The following APTX variants were observed in gnomAD, a reference collection of about 807,000 sequenced individuals.
APTX encodes forkhead-associated domain histidine triad-like protein.
A neutral mutation model predicts 42.3 loss-of-function variants in APTX; 33 were observed. The observed-to-expected ratio is 0.78, with a 90% confidence interval of 0.59 to 1.04. The LOEUF (loss-of-function observed/expected upper bound fraction) is 1.04, where lower values mean the gene tolerates loss of function less well. APTX is among the 50% of genes least tolerant of loss of function. APTX has a pLI of 0.00. For synonymous variants in APTX, 130 were observed against 146.7 expected, an observed-to-expected ratio of 0.89 and a Z score of 0.82; for missense variants, 421 against 415.1, an observed-to-expected ratio of 1.01 and a Z score of -0.12.
Position 32,989,796 on chromosome 9 carries a change from C to T in APTX, c.96G>A (p.Glu32=), listed in dbSNP as rs1257933812. ...AACATTTCTTATCAGTGATCTTGGT[C>T]TCTGGGCCACGCCCAATCACAACTG... ...LEAVVIGRGP[E]TKITDKKCSR... The change falls in exon 2 of 8, where the codon GAG becomes GAA. Residue 32 remains glutamate, a synonymous_variant. Coordinates refer to ENST00000379817, the MANE Select transcript of APTX (RefSeq NM_001195248.2). 19 of 1,614,152 alleles carry T rather than the reference C, an allele frequency of 1.2e-5. No homozygotes were observed. Among genetic ancestry groups the T allele is most frequent in the Non-Finnish European group, 1.4e-5 (17 of 1,180,058 alleles).
chr9:33,010,893 A>T (rs142400849), intron 1 of APTX, among the ~76,000 whole-genome samples: 1 of 151,620 alleles, frequency 6.6e-6, no homozygotes, highest in Admixed American at 6.6e-5. Flanking sequence ...TGTAATCCCA[A>T]CACGTTGGGA....
chr9:33,012,756 TA>T (rs2119241006), intron 1 of APTX, among the ~76,000 whole-genome samples: 1 of 152,278 alleles, frequency 6.6e-6, no homozygotes, highest in South Asian at 2.1e-4. Context: ...TCTGATTAAA[TA>T]AATGATTGCT....
In APTX at chr9:33,001,547, T is replaced by G. The variant is rs763750837; in HGVS notation, c.-5+20A>C. 10 of 1,613,512 alleles carry G rather than the reference T, an allele frequency of 6.2e-6. No individual in the cohort carries two copies. Among genetic ancestry groups the G allele is most frequent in the East Asian group, 2.2e-5 (1 of 44,874 alleles). ...CATTGAGCCCAGCCAGCAGAAGAGA[T>G]AGGCTGACGACCGCCTTACCTCCAG... On this transcript the variant is annotated intron_variant, in intron 1 of 7. Coordinates refer to ENST00000379817, the MANE Select transcript of APTX (RefSeq NM_001195248.2).
intron 1 of APTX, among the ~76,000 whole-genome samples, chr9:33,009,827 T>C (rs1196638296): frequency 6.6e-6 from 1 of 151,836 alleles, no homozygotes; most frequent in Non-Finnish European, 1.5e-5. Flanking sequence ...GGAAAAAAAA[T>C]TCAAAACACA....
At chr9:33,014,828 G>A (rs746809859) in intron 1 of APTX, among the ~76,000 whole-genome samples, 1 of 152,156 alleles carries the variant, frequency 6.6e-6, no homozygotes, top group Non-Finnish European at 1.5e-5. Flanking sequence ...ACCCGGTCAG[G>A]GATACTGTCA....
At position 32,973,494 on chromosome 9, in the gene APTX, A is replaced by G; in HGVS notation, c.*4T>C. On this transcript the variant is annotated 3_prime_UTR_variant, in exon 8 of 8. Transcript: ENST00000379817. ...ACCACAGCAGCAGCTCAGGCTCTGCAGAATCACTGTGTCCAGTGCTTCCTG... is the reference window on the plus strand; with the variant it reads ...ACCACAGCAGCAGCTCAGGCTCTGCGGAATCACTGTGTCCAGTGCTTCCTG... The G allele has an allele frequency of 6.2e-7, 1 of 1,614,080 alleles. No homozygotes were observed. Among genetic ancestry groups the G allele is most frequent in the Non-Finnish European group, 8.5e-7 (1 of 1,180,018 alleles).
At chr9:32,978,568 C>T (rs1250544337) in intron 6 of APTX, among the ~76,000 whole-genome samples, 2 of 151,978 alleles carry the variant, frequency 1.3e-5, no homozygotes, top group East Asian at 1.9e-4. Flanking sequence ...TTTTCTAAGC[C>T]CCAGCAACAC....
intron 1 of APTX, among the ~76,000 whole-genome samples, chr9:33,020,806 T>C (rs1220937720): frequency 1.3e-5 from 2 of 152,254 alleles, no homozygotes; most frequent in Non-Finnish European, 1.5e-5. Context: ...CATCTCCAGC[T>C]ACCTCTATGA....
chr9:33,019,572 C>G, intron 1 of APTX: 1 of 355,720 alleles, frequency 2.8e-6, no homozygotes. Context: ...CACACAAAGG[C>G]AGTACAGGCC....
chr9:32,979,212 C>T (rs1830145886), intron 6 of APTX, among the ~76,000 whole-genome samples: 2 of 152,040 alleles, frequency 1.3e-5, no homozygotes, highest in Admixed American at 1.3e-4. Context: ...GTCAAATAGG[C>T]CCTAGTGTCT....
upstream of APTX, among the ~76,000 whole-genome samples, chr9:33,004,972 A>C (rs2119188129): frequency 6.6e-6 from 1 of 151,860 alleles, no homozygotes; most frequent in East Asian, 1.9e-4. Flanking sequence ...CAGCCATCCT[A>C]ATGGGTGTGA....
chr9:32,975,439 C>A (rs973760631), intron 6 of APTX, among the ~76,000 whole-genome samples: 5 of 152,148 alleles, frequency 3.3e-5, no homozygotes, highest in African/African-American at 9.7e-5. Context: ...CGGCGGCTCA[C>A]GCCTGTAATC....
chr9:33,014,328 T>C (rs10971317), intron 1 of APTX, among the ~76,000 whole-genome samples: 1 of 151,030 alleles, frequency 6.6e-6, no homozygotes, highest in Non-Finnish European at 1.5e-5. Flanking sequence ...CTCACTCCCA[T>C]ATTTGGAGAT....
chr9:32,998,916 A>G (rs1370366454), intron 1 of APTX, among the ~76,000 whole-genome samples: 1 of 151,902 alleles, frequency 6.6e-6, no homozygotes, highest in Non-Finnish European at 1.5e-5. Context: ...ACAGTTTTTC[A>G]TTGTTTATAT....
chr9:33,020,750 C>T (rs963217377), intron 1 of APTX, among the ~76,000 whole-genome samples: 13 of 152,252 alleles, frequency 8.5e-5, no homozygotes, highest in African/African-American at 3.1e-4. Context: ...AACTTTTTAG[C>T]ATAATGCCCA....
intron 1 of APTX, among the ~76,000 whole-genome samples, chr9:32,995,946 TG>T (rs899975894): frequency 2.7e-5 from 4 of 149,726 alleles, no homozygotes; most frequent in African/African-American, 9.8e-5. Context: ...ACTATGACCC[TG>T]ATCAGTCAGC....
At chr9:32,985,100 C>A (rs887947393) in intron 5 of APTX, among the ~76,000 whole-genome samples, 3 of 152,172 alleles carry the variant, frequency 2.0e-5, no homozygotes, top group African/African-American at 4.8e-5. Context: ...CTGTTTTCAA[C>A]CACCACACTA....
At chr9:32,974,135 A>T (rs1028218467) in intron 7 of APTX, among the ~76,000 whole-genome samples, 1 of 152,224 alleles carries the variant, frequency 6.6e-6, no homozygotes, top group Non-Finnish European at 1.5e-5. Context: ...TGATGGCAGA[A>T]GAGACAAAGA....
At chr9:33,003,182 A>G (rs894936553), upstream of APTX, among the ~76,000 whole-genome samples, 2 of 152,188 alleles carry the variant, frequency 1.3e-5, no homozygotes, top group African/African-American at 4.8e-5. Flanking sequence ...GGATCATTCT[A>G]ATTACATCAT....
Sources: gnomAD v4.1 joint callset for allele counts (sites outside exome capture counted in the v4.1 genomes callset) on GRCh38, gnomAD v4.1.1 for gene constraint, MANE v1.5 for transcripts, NCBI Gene and HGNC (gene_info 2026-07-23, HGNC 2026-07-21) for gene names.